The following KCNA6 variants were observed in gnomAD, a reference collection of about 807,000 sequenced individuals.
KCNA6 encodes potassium voltage-gated channel subfamily A member 6.
KCNA6 carries 17 observed loss-of-function variants against 29.5 expected under a neutral mutation model. The observed-to-expected ratio is 0.58, with a 90% confidence interval of 0.39 to 0.86. The LOEUF is 0.86. Among genes scored for constraint, KCNA6 ranks in the 40% least tolerant of loss-of-function variants. KCNA6 has a pLI of 0.00. For missense variants in KCNA6, 450 were observed against 703.4 expected, an observed-to-expected ratio of 0.64 and a Z score of 4.07; for synonymous variants, 296 against 304.7, an observed-to-expected ratio of 0.97 and a Z score of 0.30.
rs150987658 is a variant in KCNA6 at position 4,810,257 on chromosome 12, G to A, written c.216G>A (p.Arg72=). 92 of 1,613,976 alleles carry A rather than the reference G, an allele frequency of 5.7e-5. No individual in the cohort carries two copies. The African/African-American group carries it at 1.1e-3, about 19-fold the overall frequency. The change falls in exon 1 of 1, where the codon CGG becomes CGA. Residue 72 remains arginine, a synonymous_variant. Transcript: ENST00000280684. The surrounding 1 kb of genome is among the most constrained non-coding windows in gnomAD (Gnocchi z 7.5). ...ACACGCTGCTCGGAGACCCTGGCCG[G>A]CGAGTCCGCTTCTTCGACCCCCTGA... is the stretch of plus-strand genomic sequence containing the variant.
the KCNA6 span, among the ~76,000 whole-genome samples, chr12:4,820,546 AACACAC>A: frequency 9.5e-3 from 1,286 of 134,726 alleles, 9 homozygotes; most frequent in South Asian, 0.035. Context: ...GGATTACCTA[AACACAC>A]ACACACACAC....
chr12:4,810,518 G>A lies in KCNA6; in HGVS notation c.477G>A (p.Gln159=). Residue 159 remains glutamine, a synonymous_variant, in exon 1 of 1, where the codon CAG becomes CAA. Transcript: ENST00000280684. The surrounding 1 kb of genome is among the most constrained non-coding windows in gnomAD (Gnocchi z 7.5). Reference sequence around the variant, plus strand: ...TGCCCTCCCAGCCCTTCCAGCGCCAGGTGTGGCTGCTCTTTGAGTACCCAG... The same window carrying A: ...TGCCCTCCCAGCCCTTCCAGCGCCAAGTGTGGCTGCTCTTTGAGTACCCAG... 1 of 1,614,188 alleles carries A rather than the reference G, an allele frequency of 6.2e-7. No homozygotes were observed. The highest frequency in any genetic ancestry group is 8.5e-7 in the Non-Finnish European group (1 of 1,180,026).
At chr12:4,822,778 A>G in the KCNA6 span, among the ~76,000 whole-genome samples, 1 of 152,200 alleles carries the variant, frequency 6.6e-6, no homozygotes, top group Non-Finnish European at 1.5e-5. Context: ...GGCTTTCCTG[A>G]TAATGACTGG....
Position 4,810,228 on chromosome 12 carries a change from C to G in KCNA6, c.187C>G (p.Pro63Ala). Residue 63 changes from proline to alanine, a missense_variant, in exon 1 of 1, where the codon CCG becomes GCG. Transcript: ENST00000280684. This position sits in a 1 kb window ranked among gnomAD's most constrained non-coding sequence, Gnocchi z 7.5. ...ACAATTGCGCACCCTGTCGCTGTTT[C>G]CGGACACGCTGCTCGGAGACCCTGG... is the stretch of plus-strand genomic sequence containing the variant. The G allele has an allele frequency of 6.2e-7, 1 of 1,613,880 alleles. No homozygotes were observed. The highest frequency in any genetic ancestry group is 8.5e-7 in the Non-Finnish European group (1 of 1,180,024).
Position 4,810,561 on chromosome 12 carries a change from AG to A in KCNA6, c.524del (p.Gly175AlafsTer14), listed in dbSNP as rs779669212. 1 of 1,614,162 alleles carries A rather than the reference AG, an allele frequency of 6.2e-7. No individual in the cohort carries two copies. The highest frequency in any genetic ancestry group is 8.5e-7 in the Non-Finnish European group (1 of 1,180,028). ...GTACCCAGAGAGCTCTGGGCCGGCC[AG>A]GGGCATCGCCATCGTCTCCGTGTTG... On this transcript the variant is annotated frameshift_variant, in exon 1 of 1. Coordinates refer to ENST00000280684, the Ensembl canonical transcript of KCNA6. LOFTEE classifies it high-confidence loss of function. The surrounding 1 kb of genome is among the most constrained non-coding windows in gnomAD (Gnocchi z 7.5).
At chr12:4,823,120 C>T in the KCNA6 span, among the ~76,000 whole-genome samples, 1 of 152,120 alleles carries the variant, frequency 6.6e-6, no homozygotes, top group Non-Finnish European at 1.5e-5. Context: ...GCTTGTAGGC[C>T]TCACTTGTTC....
chr12:4,813,720 A>C (rs1352828565), downstream of KCNA6: 1 of 167,070 alleles, frequency 6.0e-6, no homozygotes, highest in African/African-American at 2.4e-5. Context: ...CTAGTTTTCC[A>C]AATCTCTCCC....
At chr12:4,824,729 A>G in the KCNA6 span, among the ~76,000 whole-genome samples, 2 of 152,196 alleles carry the variant, frequency 1.3e-5, no homozygotes, top group Non-Finnish European at 2.9e-5. Context: ...GAAATGCACA[A>G]GGGTGTAGGT....
chr12:4,825,574 G>A, the KCNA6 span, among the ~76,000 whole-genome samples: 1 of 152,176 alleles, frequency 6.6e-6, no homozygotes, highest in South Asian at 2.1e-4. Context: ...AGCCATGAAA[G>A]GTTTTTTCAG....
the KCNA6 span, among the ~76,000 whole-genome samples, chr12:4,840,466 C>A: frequency 6.6e-6 from 1 of 152,196 alleles, no homozygotes; most frequent in African/African-American, 2.4e-5. Flanking sequence ...ATGGCTATTA[C>A]TAAAAAGCAT....
exon 1 of KCNA6, chr12:4,812,287 A>G (rs1162255298): frequency 6.0e-6 from 1 of 167,366 alleles, no homozygotes. Flanking sequence ...AAAGAGGCCA[A>G]TGGATTTTTC....
chr12:4,835,975 T>C, the KCNA6 span, among the ~76,000 whole-genome samples: 1 of 151,300 alleles, frequency 6.6e-6, no homozygotes, highest in Non-Finnish European at 1.5e-5. Flanking sequence ...GTTTCGCTCT[T>C]GTTGCCCAGG....
chr12:4,811,560 G>A lies in KCNA6; in HGVS notation c.1519G>A (p.Glu507Lys), dbSNP rs1445110903. The A allele has an allele frequency of 1.2e-6, 2 of 1,614,112 alleles. No individual in the cohort carries two copies. Among genetic ancestry groups the A allele is most frequent in the African/African-American group, 1.3e-5 (1 of 74,936 alleles). ...GCCTGACTTCCCCGAGGCTAACCGG[G>A]AACGGAGACCCAGCTACCTTCCTAC... is the stretch of plus-strand genomic sequence containing the variant. The change falls in exon 1 of 1, where the codon GAA (glutamate) becomes AAA (lysine). Residue 507 changes from glutamate to lysine, a missense_variant. By Grantham distance (56) the Glu-to-Lys change is moderately conservative (BLOSUM62 1). Transcript: ENST00000280684. This position sits in a 1 kb window ranked among gnomAD's most constrained non-coding sequence, Gnocchi z 7.1.
the KCNA6 span, among the ~76,000 whole-genome samples, chr12:4,835,100 T>C: frequency 2.6e-5 from 4 of 151,632 alleles, no homozygotes; most frequent in Admixed American, 2.6e-4. Flanking sequence ...AAATGCAAAC[T>C]GAGTACTCCC....
the KCNA6 span, among the ~76,000 whole-genome samples, chr12:4,835,176 C>T: frequency 6.6e-6 from 1 of 150,746 alleles, no homozygotes; most frequent in Non-Finnish European, 1.5e-5. Context: ...GCTCTGTCGC[C>T]CAGGCTGGAG....
At chr12:4,829,450 A>G in the KCNA6 span, among the ~76,000 whole-genome samples, 1 of 152,152 alleles carries the variant, frequency 6.6e-6, no homozygotes, top group Non-Finnish European at 1.5e-5. Flanking sequence ...CTAAATATAG[A>G]GGTTGCCAGG....
At chr12:4,815,296 C>T (rs539639232), downstream of KCNA6, among the ~76,000 whole-genome samples, 82 of 152,176 alleles carry the variant, frequency 5.4e-4, no homozygotes, top group Non-Finnish European at 1.1e-3. Context: ...TCCACTTTTT[C>T]CTGACTTCTC....
the KCNA6 span, among the ~76,000 whole-genome samples, chr12:4,846,470 C>T: frequency 2.0e-5 from 3 of 151,670 alleles, no homozygotes; most frequent in Non-Finnish European, 4.4e-5. Flanking sequence ...TAGTATTCCT[C>T]CTCGAGCGAC....
At chr12:4,835,137 T>TC in the KCNA6 span, among the ~76,000 whole-genome samples, 1 of 109,494 alleles carries the variant, frequency 9.1e-6, no homozygotes, top group Non-Finnish European at 2.2e-5. Flanking sequence ...GAGAATGATT[T>TC]TTTTTTTTTT....
Sources: gnomAD v4.1 joint callset for allele counts (sites outside exome capture counted in the v4.1 genomes callset) on GRCh38, gnomAD v4.1.1 for gene constraint, Gnocchi (gnomAD v3.1) non-coding constraint, MANE v1.5 for transcripts, NCBI Gene and HGNC (gene_info 2026-07-23, HGNC 2026-07-21) for gene names.